Variants in LCORL observed in about 807,000 individuals in gnomAD.
The protein encoded by LCORL is ligand-dependent nuclear receptor corepressor-like protein.
A neutral mutation model predicts 141.8 loss-of-function variants in LCORL; 41 were observed. The observed-to-expected ratio is 0.29, with a 90% CI of 0.23 to 0.38. LCORL has a LOEUF of 0.38. LCORL is among the 10% of genes least tolerant of loss of function. The pLI, the probability that LCORL is intolerant of heterozygous loss-of-function variation, is 1.00. For synonymous variants in LCORL, 618 were observed against 694.1 expected (o/e 0.89, Z 1.72); for missense variants, 1,759 against 2,035.0 (o/e 0.86, Z 2.61).
At chr4:17,857,349 T>G (rs1410592980) in intron 7 of LCORL, among the ~76,000 whole-genome samples, 3 of 152,156 alleles carry the variant, frequency 2.0e-5, no homozygotes, top group Non-Finnish European at 4.4e-5. Flanking sequence ...GATCAGTGGA[T>G]AAGTATTTCC....
At chr4:17,940,106 ATATG>A (rs1737617184) in intron 4 of LCORL, among the ~76,000 whole-genome samples, 1 of 146,966 alleles carries the variant, frequency 6.8e-6, no homozygotes, top group Non-Finnish European at 1.5e-5. Flanking sequence ...ATAGGTAGAT[ATATG>A]TGTGTGTATA....
At chr4:17,864,780 G>A (rs2109142656) in intron 7 of LCORL, among the ~76,000 whole-genome samples, 1 of 152,170 alleles carries the variant, frequency 6.6e-6, no homozygotes, top group South Asian at 2.1e-4. Flanking sequence ...ACATAAATAG[G>A]TTAAAAATAA....
intron 4 of LCORL, among the ~76,000 whole-genome samples, chr4:17,959,260 T>C (rs911179115): frequency 1.3e-5 from 2 of 152,002 alleles, no homozygotes; most frequent in South Asian, 2.1e-4. Flanking sequence ...TCTGCTTAAT[T>C]CAAATAAAAT....
rs535081140 is a variant in LCORL at position 17,884,605 on chromosome 4, TAA to T, written c.776+1461_776+1462del. 1 of 1,546,324 alleles carries T rather than the reference TAA, an allele frequency of 6.5e-7. No homozygotes were observed. Among genetic ancestry groups the T allele is most frequent in the Non-Finnish European group, 8.7e-7 (1 of 1,145,136 alleles). The stretch of plus-strand genomic sequence containing the variant: ...CTGGTAAGGCTTCTAAGTGAAGAAG[TAA>T]AGTTTTTTGAGGTATGCCATAAAGT... On this transcript the variant is annotated intron_variant, in intron 6 of 7. Transcript: ENST00000635767. The surrounding 1 kb of genome is among the most constrained non-coding windows in gnomAD (Gnocchi z 4.4).
intron 4 of LCORL, among the ~76,000 whole-genome samples, chr4:17,944,663 G>C (rs573302125): frequency 1.2e-4 from 19 of 152,066 alleles, no homozygotes; most frequent in Non-Finnish European, 2.5e-4. Flanking sequence ...TTCTCCAAGG[G>C]GCTTTGGTTC....
chr4:17,843,432 C>T (rs202008150), exon 8 of LCORL: 187 of 1,609,796 alleles, frequency 1.2e-4, no homozygotes, highest in Non-Finnish European at 1.5e-4. Context: ...TTAGGAAAGA[C>T]GATGGAGGTG....
chr4:17,976,704 C>G (rs570673375), intron 1 of LCORL, among the ~76,000 whole-genome samples: 242 of 152,230 alleles, frequency 1.6e-3, no homozygotes, highest in African/African-American at 5.7e-3. Context: ...AAGACAAAAT[C>G]ATTTGTCTCA....
intron 2 of LCORL, among the ~76,000 whole-genome samples, chr4:17,972,229 C>A (rs1346936269): frequency 6.6e-6 from 1 of 151,772 alleles, no homozygotes; most frequent in Non-Finnish European, 1.5e-5. Context: ...ATAAATTCCT[C>A]ATTTAAAAAA....
chr4:17,983,486 T>C (rs993794378), intron 1 of LCORL, among the ~76,000 whole-genome samples: 2 of 152,204 alleles, frequency 1.3e-5, no homozygotes, highest in Non-Finnish European at 2.9e-5. Flanking sequence ...TTCACCTCCC[T>C]GTTTAGCTGT....
chr4:17,849,926 A>G (rs1268014666), intron 7 of LCORL, among the ~76,000 whole-genome samples: 1 of 151,834 alleles, frequency 6.6e-6, no homozygotes, highest in Non-Finnish European at 1.5e-5. Context: ...CTGGTACCAA[A>G]ACAGAGATAT....
intron 4 of LCORL, among the ~76,000 whole-genome samples, chr4:17,915,098 C>T (rs1392385737): frequency 1.3e-5 from 2 of 151,934 alleles, no homozygotes; most frequent in African/African-American, 4.8e-5. Flanking sequence ...TCTCTTTCTC[C>T]CCTTCTGTTT....
intron 2 of LCORL, among the ~76,000 whole-genome samples, chr4:17,968,156 C>G (rs1203849441): frequency 6.6e-6 from 1 of 152,168 alleles, no homozygotes; most frequent in African/African-American, 2.4e-5. Flanking sequence ...CTGCACCCGG[C>G]CATTTGCCAT....
intron 1 of LCORL, among the ~76,000 whole-genome samples, chr4:17,979,101 T>C (rs185568433): frequency 0.02 from 3,088 of 152,050 alleles, 48 homozygotes; most frequent in Non-Finnish European, 0.032. Flanking sequence ...CCTGTGTCCA[T>C]GTGTTCTCAT....
intron 5 of LCORL, among the ~76,000 whole-genome samples, chr4:17,900,681 G>C (rs529919332): frequency 3.5e-4 from 54 of 152,250 alleles, no homozygotes; most frequent in Non-Finnish European, 6.9e-4. Flanking sequence ...GATTAACATA[G>C]CTTGAAAGAG....
intron 2 of LCORL, among the ~76,000 whole-genome samples, 154 bp downstream of exon 2, chr4:17,972,666 A>C (rs571833215): frequency 6.6e-6 from 1 of 151,760 alleles, no homozygotes; most frequent in East Asian, 1.9e-4. Flanking sequence ...GTATGTAATA[A>C]AAATATCTGG....
At chr4:17,878,062 G>A in exon 7 of LCORL, 1 of 1,230,600 alleles carries the variant, frequency 8.1e-7, no homozygotes, top group Non-Finnish European at 1.0e-6. Context: ...CAACAGCAAA[G>A]AGAAGCAGCA....
intron 1 of LCORL, among the ~76,000 whole-genome samples, chr4:17,992,074 A>AATCTGC (rs1720125324): frequency 6.6e-6 from 1 of 152,226 alleles, no homozygotes; most frequent in African/African-American, 2.4e-5. Flanking sequence ...ATCTGCTTAT[A>AATCTGC]TTAGTTCATT....
At chr4:17,910,588 T>G (rs1325261695) in intron 4 of LCORL, among the ~76,000 whole-genome samples, 1 of 152,156 alleles carries the variant, frequency 6.6e-6, no homozygotes, top group African/African-American at 2.4e-5. Context: ...CTAAAAGACT[T>G]AAAGAGAAGT....
intron 6 of LCORL, chr4:17,883,516 C>T: frequency 7.6e-7 from 1 of 1,309,642 alleles, no homozygotes. Flanking sequence ...ATAATTCTGT[C>T]CACAGTGAAA....
Sources: allele counts gnomAD v4.1 joint callset (sites outside exome capture counted in the v4.1 genomes callset), GRCh38; gene constraint gnomAD v4.1.1; non-coding constraint Gnocchi (gnomAD v3.1); transcripts MANE v1.5; gene names NCBI Gene and HGNC (gene_info 2026-07-23, HGNC 2026-07-21).